The following TTLL4 variants were observed in gnomAD, a reference collection of about 807,000 sequenced individuals.
The protein encoded by TTLL4 is tubulin monoglutamylase TTLL4.
Under a neutral mutation model 122.7 loss-of-function variants are expected in TTLL4, and 85 were observed. That is an observed-to-expected ratio of 0.69 (90% CI 0.58 to 0.83). TTLL4 has a LOEUF of 0.83. Among genes scored for constraint, TTLL4 ranks in the 40% least tolerant of loss-of-function variants. The pLI is 0.00. For synonymous variants in TTLL4, 553 were observed against 563.0 expected, an observed-to-expected ratio of 0.98 and a Z score of 0.25; for missense variants, 1,363 against 1,488.6, an observed-to-expected ratio of 0.92 and a Z score of 1.39.
At chr2:218,726,488 G>C (rs1027479950) in intron 1 of TTLL4, among the ~76,000 whole-genome samples, 8 of 152,176 alleles carry the variant, frequency 5.3e-5, no homozygotes, top group South Asian at 2.1e-4. Flanking sequence ...TTCCGAGACA[G>C]AGTCTCAGTC....
chr2:218,734,833 G>A (rs549163374), intron 2 of TTLL4, among the ~76,000 whole-genome samples: 7 of 152,276 alleles, frequency 4.6e-5, no homozygotes, highest in African/African-American at 1.2e-4. Flanking sequence ...TTGTAGTCTC[G>A]TAAAGTGAAT....
intron 2 of TTLL4, among the ~76,000 whole-genome samples, chr2:218,728,442 T>G (rs1942258198): frequency 6.6e-6 from 1 of 152,128 alleles, no homozygotes; most frequent in Non-Finnish European, 1.5e-5. Flanking sequence ...TATGAGAATC[T>G]AATGTTGCCG....
Position 218,738,135 on chromosome 2 carries a change from C to T in TTLL4, c.459C>T (p.Leu153=). The T allele has an allele frequency of 6.2e-7, 1 of 1,614,114 alleles. No homozygotes were observed. The highest frequency in any genetic ancestry group is 8.5e-7 in the Non-Finnish European group (1 of 1,180,024). Residue 153 remains leucine, a synonymous_variant, in exon 3 of 20, where the codon CTC becomes CTT. Transcript: ENST00000392102. ...CTTTTTCTCTCCCTCAAAAGAGCCTCCCTGTCAGTCTCACTGCCAACAAGG... is the reference window on the plus strand; with the variant it reads ...CTTTTTCTCTCCCTCAAAAGAGCCTTCCTGTCAGTCTCACTGCCAACAAGG... ...KSPFSLPQKS[L]PVSLTANKAT... is the part of the protein sequence containing the mutation.
At chr2:218,715,812 A>G (rs1422060890) in intron 1 of TTLL4, among the ~76,000 whole-genome samples, 1 of 151,900 alleles carries the variant, frequency 6.6e-6, no homozygotes, top group African/African-American at 2.4e-5. Context: ...TTGTATTTTT[A>G]GTAGAGATGG....
chr2:218,728,947 G>T (rs1369306571), intron 2 of TTLL4, among the ~76,000 whole-genome samples: 9 of 42,772 alleles, frequency 2.1e-4, no homozygotes, highest in African/African-American at 3.2e-4. Context: ...TTTTTGGCGG[G>T]GGGGGGCATA....
rs1942823030 is a variant in TTLL4, at chr2:218,745,687, C to T, written c.1787-4C>T. On this transcript the variant is annotated splice_polypyrimidine_tract_variant and splice_region_variant and intron_variant, in intron 6 of 19. Transcript: ENST00000392102. ...CATCCCCACACCCCTTGCATTCTTC[C>T]CAGTGGAGAAACTTCCCTGGGAACA... 1 of 1,599,938 alleles carries T rather than the reference C, an allele frequency of 6.3e-7. No homozygotes were observed. The highest frequency in any genetic ancestry group is 8.5e-7 in the Non-Finnish European group (1 of 1,170,474).
intron 1 of TTLL4, among the ~76,000 whole-genome samples, chr2:218,712,752 C>G (rs1941751321): frequency 6.6e-6 from 1 of 152,056 alleles, no homozygotes; most frequent in African/African-American, 2.4e-5. Context: ...GTGGCAAATC[C>G]CTCACACTTC....
chr2:218,711,677 G>C (rs779709208), intron 1 of TTLL4, among the ~76,000 whole-genome samples: 10 of 152,060 alleles, frequency 6.6e-5, no homozygotes, highest in Non-Finnish European at 1.0e-4. Flanking sequence ...TACAGTCTAG[G>C]AGATTATTAA....
intron 1 of TTLL4, among the ~76,000 whole-genome samples, chr2:218,719,528 C>T (rs1941970470): frequency 6.8e-6 from 1 of 147,626 alleles, no homozygotes; most frequent in Non-Finnish European, 1.5e-5. Context: ...CAGCGCAGTT[C>T]ACATAACAGA....
Position 218,748,212 on chromosome 2 carries a change from G to T in TTLL4, c.2486G>T (p.Cys829Phe). Residue 829 changes from cysteine (C) to phenylalanine (F), a missense_variant, in exon 12 of 20, where the codon TGC (cysteine) becomes TTC (phenylalanine). Physicochemically the swap from Cys to Phe is radical, Grantham distance 205. Transcript: ENST00000392102. ...CAGGCCAATGCAGATGAAATGGCTT[G>T]CCAGGGCCACAAATGGTACTGAGGG... is the stretch of plus-strand genomic sequence containing the variant. The part of the protein sequence containing the change: ...EYQANADEMA[C>F]QGHKWALKAL... The T allele has an allele frequency of 6.2e-7, 1 of 1,614,108 alleles. No individual in the cohort carries two copies. The highest frequency in any genetic ancestry group is 8.5e-7 in the Non-Finnish European group (1 of 1,180,012).
rs745377114 is a variant in TTLL4, at chr2:218,738,942, C to T, written c.1266C>T (p.His422=). 2 of 1,614,228 alleles carry T rather than the reference C, an allele frequency of 1.2e-6. No homozygotes were observed. The highest frequency in any genetic ancestry group is 2.2e-5 in the East Asian group (1 of 44,884). ...TCTGTACCAAGCGTATCAGCATTCACCTCCTTGCCTCACATGCCAGTGGGC... is the reference window on the plus strand; with the variant it reads ...TCTGTACCAAGCGTATCAGCATTCATCTCCTTGCCTCACATGCCAGTGGGC... ...TVFCTKRISI[H]LLASHASGLN... is the part of the protein sequence containing the mutation. Residue 422 remains histidine (H), a synonymous_variant, in exon 3 of 20, where the codon CAC becomes CAT. Transcript: ENST00000392102.
At chr2:218,756,529 T>TA (rs1258772400), downstream of TTLL4, among the ~76,000 whole-genome samples, 4 of 152,304 alleles carry the variant, frequency 2.6e-5, no homozygotes, top group Admixed American at 6.5e-5. Context: ...GAATGGGACT[T>TA]ACATACCACA....
chr2:218,717,004 T>C (rs1941881892), intron 1 of TTLL4, among the ~76,000 whole-genome samples: 1 of 152,052 alleles, frequency 6.6e-6, no homozygotes, highest in African/African-American at 2.4e-5. Flanking sequence ...TTTTTCTTTT[T>C]CTTTTTTTTT....
Position 218,713,014 on chromosome 2 carries a change from A to G in TTLL4, c.-178+1977A>G, listed in dbSNP as rs978801511. ...ACAATGGAATTTTTAAGTTATTTGG[A>G]TAAAACTTGCGTAAAATTTTTAAAG... On this transcript the variant is annotated intron_variant, in intron 1 of 19. Transcript: ENST00000392102. 3.3e-5 allele frequency among the ~76,000 whole-genome samples: 5 copies of G among 152,310 alleles called. No individual in the cohort carries two copies. In the East Asian group the frequency reaches 9.6e-4, roughly 29 times the overall value.
In TTLL4 at chr2:218,711,049, T is replaced by C. The variant is rs1941686731; in HGVS notation, c.-178+12T>C. 6.6e-6 allele frequency: 1 copy of C among 152,378 alleles called. No homozygotes were observed. The highest frequency in any genetic ancestry group is 2.1e-4 in the South Asian group (1 of 4,834). The allele number at this position is 152,378 out of a possible 1,614,324, so 9.4% of individuals were successfully genotyped here. ...GCTGGATCCCCTAGGTGAGTGCGGC[T>C]GCGGAGCCAGGGGAGCCGACCCCAG... On this transcript the variant is annotated intron_variant, in intron 1 of 19. Transcript: ENST00000392102.
In TTLL4 at chr2:218,716,914, C is replaced by A. The variant is rs1033921315; in HGVS notation, c.-178+5877C>A. Among the ~76,000 whole-genome samples the A allele has an allele frequency of 2.0e-5, 3 of 152,308 alleles. 1 individual carries two copies. The highest frequency in any genetic ancestry group is 1.3e-4 in the Admixed American group (2 of 15,300). On this transcript the variant is annotated intron_variant, in intron 1 of 19. Coordinates refer to ENST00000392102, the MANE Select transcript of TTLL4 (RefSeq NM_014640.5). Reference sequence around the variant, plus strand: ...CATCGTCTTGATTCATGCTAAGTCACCAGCAGTTTTACTCATTATTGCTTT... The same window carrying A: ...CATCGTCTTGATTCATGCTAAGTCAACAGCAGTTTTACTCATTATTGCTTT...
intron 6 of TTLL4, 120 bp downstream of exon 6, chr2:218,745,353 C>CACA: frequency 7.3e-7 from 1 of 1,369,286 alleles, no homozygotes; most frequent in Non-Finnish European, 1.0e-6. Flanking sequence ...TGGCAGTTGT[C>CACA]ACACTGTGCT....
intron 2 of TTLL4, among the ~76,000 whole-genome samples, chr2:218,733,051 A>G (rs921202763): frequency 3.3e-5 from 5 of 152,166 alleles, no homozygotes; most frequent in South Asian, 4.1e-4. Context: ...TAACACAGCC[A>G]TCTTATCCAA....
intron 1 of TTLL4, among the ~76,000 whole-genome samples, chr2:218,719,507 T>C (rs1383434576): frequency 6.6e-6 from 1 of 151,462 alleles, no homozygotes; most frequent in African/African-American, 2.4e-5. Flanking sequence ...TCCAGGAATT[T>C]AGTGTAAGAC....
Sources: gnomAD v4.1 joint callset for allele counts (sites outside exome capture counted in the v4.1 genomes callset) on GRCh38, gnomAD v4.1.1 for gene constraint, MANE v1.5 for transcripts, NCBI Gene and HGNC (gene_info 2026-07-23, HGNC 2026-07-21) for gene names.